Variants in RETREG1 observed in about 807,000 individuals in gnomAD.
RETREG1 encodes reticulophagy regulator 1.
Under a neutral mutation model 54.8 loss-of-function variants are expected in RETREG1, and 44 were observed. The ratio of observed to expected loss-of-function variants is 0.80; its 90% CI spans 0.63 to 1.03. The LOEUF is 1.03. Ranked by LOEUF, RETREG1 falls within the 50% of genes least tolerant of loss-of-function variation. The pLI is 0.00. For synonymous variants in RETREG1, 217 were observed against 238.5 expected, an observed-to-expected ratio of 0.91 and a Z score of 0.83; for missense variants, 554 against 605.1, an observed-to-expected ratio of 0.92 and a Z score of 0.89.
chr5:16,530,829 TC>T (rs1274402384), intron 3 of RETREG1, among the ~76,000 whole-genome samples: 1 of 151,202 alleles, frequency 6.6e-6, no homozygotes. Context: ...CCCACTGCAC[TC>T]CAGCCTGGGA....
At chr5:16,573,170 G>A (rs1469041368) in intron 1 of RETREG1, among the ~76,000 whole-genome samples, 1 of 99,978 alleles carries the variant, frequency 1.0e-5, no homozygotes, top group Non-Finnish European at 1.8e-5. Flanking sequence ...GAGAGAGTGA[G>A]ATTCTGTCTC....
rs778657136 is a variant in RETREG1 at position 16,481,146 on chromosome 5, C to T, written c.586-53G>A. ...AGTTAAGCATAACACCAAGATATTT[C>T]GGAGCACAGGATACACACACAATTG... On this transcript the variant is annotated intron_variant, in intron 4 of 8. Transcript: ENST00000306320. 65 of 1,256,950 alleles carry T rather than the reference C, an allele frequency of 5.2e-5. 1 individual carries two copies. The highest frequency in any genetic ancestry group is 4.6e-4 in the South Asian group (38 of 83,348). The allele number at this position is 1,256,950 out of a possible 1,614,324, so 77.9% of individuals were successfully genotyped here. A position where few individuals can be genotyped will look rare whatever the true frequency, so the allele number is the denominator to read the frequency against.
At chr5:16,598,078 C>T (rs930812683) in intron 1 of RETREG1, among the ~76,000 whole-genome samples, 15 of 152,092 alleles carry the variant, frequency 9.9e-5, no homozygotes, top group East Asian at 3.9e-4. Flanking sequence ...CCCCACCTCC[C>T]GACCACACGG....
chr5:16,564,861 A>C (rs1220022645), intron 3 of RETREG1, among the ~76,000 whole-genome samples: 3 of 152,238 alleles, frequency 2.0e-5, no homozygotes, highest in Non-Finnish European at 4.4e-5. Flanking sequence ...TATTTGCATA[A>C]GCACAGCTTC....
intron 3 of RETREG1, among the ~76,000 whole-genome samples, chr5:16,519,649 T>C (rs967809140): frequency 2.0e-5 from 3 of 152,188 alleles, no homozygotes; most frequent in Non-Finnish European, 2.9e-5. Flanking sequence ...GAAGCTTCCC[T>C]GCCCCTGAGC....
At chr5:16,559,248 G>A (rs1239396913) in intron 3 of RETREG1, among the ~76,000 whole-genome samples, 3 of 152,194 alleles carry the variant, frequency 2.0e-5, no homozygotes. Flanking sequence ...TCTCCTAAGA[G>A]TTTGAGAGAT....
At chr5:16,557,968 A>T (rs1741755378) in intron 3 of RETREG1, among the ~76,000 whole-genome samples, 1 of 152,176 alleles carries the variant, frequency 6.6e-6, no homozygotes, top group Non-Finnish European at 1.5e-5. Flanking sequence ...TTGTTTTTAT[A>T]GCAGGAGTGG....
intron 1 of RETREG1, among the ~76,000 whole-genome samples, chr5:16,610,621 A>T (rs1743314729): frequency 6.6e-6 from 1 of 152,270 alleles, no homozygotes; most frequent in Non-Finnish European, 1.5e-5. Flanking sequence ...ACTTCTCAAA[A>T]GAAGACATTT....
chr5:16,601,445 G>A (rs1318175811), intron 1 of RETREG1, among the ~76,000 whole-genome samples: 2 of 149,952 alleles, frequency 1.3e-5, no homozygotes, highest in African/African-American at 2.5e-5. Context: ...CGCCCAGGCT[G>A]GAGTGCAATG....
Position 16,510,883 on chromosome 5 carries a change from A to G in RETREG1, c.459-27411T>C, listed in dbSNP as rs78428328. Among the ~76,000 whole-genome samples the G allele has an allele frequency of 3.3e-3, 504 of 150,626 alleles. 3 individuals carry two copies. Among genetic ancestry groups the G allele is most frequent in the Middle Eastern group, 0.014 (4 of 290 alleles). ...AGGCTAATTCTCTTATCTAACTTTCAGCTCTGATCATTCTAACCCATGAAT... is the reference window on the plus strand; with the variant it reads ...AGGCTAATTCTCTTATCTAACTTTCGGCTCTGATCATTCTAACCCATGAAT... On this transcript the variant is annotated intron_variant, in intron 3 of 8. Transcript: ENST00000306320.
intron 3 of RETREG1, among the ~76,000 whole-genome samples, chr5:16,554,547 A>AC (rs1741634335): frequency 6.6e-6 from 1 of 152,200 alleles, no homozygotes; most frequent in Non-Finnish European, 1.5e-5. Flanking sequence ...TAGGAAAAAT[A>AC]ATGTAATAAG....
chr5:16,569,287 CTTTTTTT>C (rs59365372), intron 2 of RETREG1, among the ~76,000 whole-genome samples: 1 of 140,798 alleles, frequency 7.1e-6, no homozygotes, highest in African/African-American at 2.6e-5. Context: ...CCATTTCTTT[CTTTTTTT>C]TTTTTTTTTT....
In RETREG1 at chr5:16,572,117, C is replaced by A. The variant is rs1387266624; in HGVS notation, c.321-15G>T. 1 of 1,560,342 alleles carries A rather than the reference C, an allele frequency of 6.4e-7. No individual in the cohort carries two copies. Among genetic ancestry groups the A allele is most frequent in the Non-Finnish European group, 8.8e-7 (1 of 1,131,128 alleles). On this transcript the variant is annotated splice_polypyrimidine_tract_variant and intron_variant, in intron 1 of 8. Transcript: ENST00000306320. ...ATGCAAGGAACCTGCAACAGCGAAA[C>A]ACAAATCAGTATTTCAATTTGAGGA...
intron 3 of RETREG1, among the ~76,000 whole-genome samples, chr5:16,545,140 TC>T (rs1741350612): frequency 6.6e-6 from 1 of 152,170 alleles, no homozygotes; most frequent in Non-Finnish European, 1.5e-5. Flanking sequence ...GTCCTGTGAA[TC>T]AGGGCTACTT....
chr5:16,606,317 T>C (rs1743190115), intron 1 of RETREG1, among the ~76,000 whole-genome samples: 1 of 152,170 alleles, frequency 6.6e-6, no homozygotes, highest in South Asian at 2.1e-4. Context: ...CTCAAGGTGC[T>C]CTTTCTGGTC....
intron 3 of RETREG1, among the ~76,000 whole-genome samples, chr5:16,525,894 G>A (rs1561105106): frequency 6.6e-6 from 1 of 152,122 alleles, no homozygotes; most frequent in Non-Finnish European, 1.5e-5. Flanking sequence ...TTGTCATTTT[G>A]AGTCTGAGGG....
intron 3 of RETREG1, among the ~76,000 whole-genome samples, chr5:16,559,608 G>T (rs1049113237): frequency 1.3e-4 from 20 of 152,304 alleles, no homozygotes; most frequent in Admixed American, 3.3e-4. Flanking sequence ...TTCATGATGA[G>T]AATAACTTGT....
chr5:16,484,549 G>C (rs1738943284), intron 3 of RETREG1, among the ~76,000 whole-genome samples: 1 of 152,116 alleles, frequency 6.6e-6, no homozygotes, highest in African/African-American at 2.4e-5. Flanking sequence ...GCTGATCTCT[G>C]GATTCAATTC....
chr5:16,508,870 A>C, intron 3 of RETREG1: 2 of 1,368,404 alleles, frequency 1.5e-6, no homozygotes, highest in Admixed American at 3.0e-5. Context: ...CCTTCTAAAA[A>C]TAAATAGGTC....
Sources: allele counts gnomAD v4.1 joint callset (sites outside exome capture counted in the v4.1 genomes callset), GRCh38; gene constraint gnomAD v4.1.1; transcripts MANE v1.5; gene names NCBI Gene and HGNC (gene_info 2026-07-23, HGNC 2026-07-21).